DGKQ: variants seen among roughly 807,000 people sequenced by gnomAD.
DGKQ encodes diacylglycerol kinase theta.
A neutral mutation model predicts 104.2 loss-of-function variants in DGKQ; 97 were observed. That is an observed-to-expected ratio of 0.93 (90% CI 0.79 to 1.10). The LOEUF is 1.10. Among genes scored for constraint, DGKQ ranks in the 50% least tolerant of loss-of-function variants. DGKQ has a pLI of 0.00. For missense variants in DGKQ, 1,465 were observed against 1,352.1 expected, an observed-to-expected ratio of 1.08 and a Z score of -1.31; for synonymous variants, 736 against 595.2, an observed-to-expected ratio of 1.24 and a Z score of -3.44.
At position 967,782 on chromosome 4, in the gene DGKQ, C is replaced by T. The variant is rs1197768357; in HGVS notation, c.832G>A (p.Asp278Asn). 7 of 1,604,718 alleles carry T rather than the reference C, an allele frequency of 4.4e-6. No homozygotes were observed. Among genetic ancestry groups the T allele is most frequent in the Non-Finnish European group, 5.1e-6 (6 of 1,176,290 alleles). ...CCTGGACCCACGGCAGCGCTCCCGT[C>T]GGCGCCGTCGCCCCCCTCGCCTGCG... ...AEPGEGGDGADGSAAVGPGRE... is the reference protein window; with the variant it reads ...AEPGEGGDGANGSAAVGPGRE... Residue 278 changes from aspartate (D) to asparagine (N), a missense_variant, in exon 7 of 23, where the codon GAC becomes AAC. Physicochemically the swap from Asp to Asn is conservative, Grantham distance 23. Transcript: ENST00000273814.
intron 3 of DGKQ, 109 bp from the exon 4 acceptor site, chr4:968,673 G>T: frequency 7.4e-7 from 1 of 1,354,204 alleles, no homozygotes. Context: ...CATCCTTTAA[G>T]TGTCCTGTGG....
Position 968,721 on chromosome 4 carries a change from C to T in DGKQ, c.451+90G>A, listed in dbSNP as rs950996523. 48 of 1,390,184 alleles carry T rather than the reference C, an allele frequency of 3.5e-5. No homozygotes were observed. In the South Asian group the frequency reaches 4.8e-4, roughly 14 times the overall value. The allele number at this position is 1,390,184 out of a possible 1,614,324, so 86.1% of individuals were successfully genotyped here. ...CCAGCCCTTGGCCTCCCCCATCACCCCTGACAAGCTGCACAGCAGGGGTGG... is the reference window on the plus strand; with the variant it reads ...CCAGCCCTTGGCCTCCCCCATCACCTCTGACAAGCTGCACAGCAGGGGTGG... On this transcript the variant is annotated intron_variant, in intron 3 of 22. Coordinates refer to ENST00000273814, the MANE Select transcript of DGKQ (RefSeq NM_001347.4).
chr4:967,983 G>A lies in DGKQ; in HGVS notation c.708C>T (p.Phe236=), dbSNP rs1247443787. ...GCAGGACCAGGGAGCGCAGACGCCCGAAGCCACACTCGGGAGCCAGCGCCG... is the reference window on the plus strand; with the variant it reads ...GCAGGACCAGGGAGCGCAGACGCCCAAAGCCACACTCGGGAGCCAGCGCCG... The part of the protein sequence containing the change: ...CSAALAPECG[F]GRLRSLVLPP... Residue 236 remains phenylalanine, a synonymous_variant, in exon 6 of 23, where the codon TTC becomes TTT. Coordinates refer to ENST00000273814, the MANE Select transcript of DGKQ (RefSeq NM_001347.4). The A allele has an allele frequency of 2.0e-6, 3 of 1,476,670 alleles. No homozygotes were observed. The highest frequency in any genetic ancestry group is 2.1e-4 in the Middle Eastern group (1 of 4,806). 91.5% of individuals were successfully genotyped at this position (1,476,670 alleles called of 1,614,324 possible).
rs1483499302 is a variant in DGKQ at position 959,959 on chromosome 4, CCCCT to C, written c.*657_*660del. ...ACCAGGTCCAGCTGGGCACTGCCTGCCCCTGGAGCTGTACCTGAGATCCAAGCTG... is the reference window on the plus strand; with the variant it reads ...ACCAGGTCCAGCTGGGCACTGCCTGCGGAGCTGTACCTGAGATCCAAGCTG... On this transcript the variant is annotated 3_prime_UTR_variant, in exon 23 of 23. Transcript: ENST00000273814. 1 of 152,248 alleles carries C rather than the reference CCCCT, an allele frequency of 6.6e-6. No individual in the cohort carries two copies. The highest frequency in any genetic ancestry group is 1.5e-5 in the Non-Finnish European group (1 of 68,058). 9.4% of individuals were successfully genotyped at this position (152,248 alleles called of 1,614,324 possible). A position where few individuals can be genotyped will look rare whatever the true frequency, so the allele number is the denominator to read the frequency against.
Position 965,942 on chromosome 4 carries a change from G to T in DGKQ, c.1565C>A (p.Ala522Asp). The T allele has an allele frequency of 1.9e-6, 3 of 1,603,762 alleles. No homozygotes were observed. Among genetic ancestry groups the T allele is most frequent in the Non-Finnish European group, 1.7e-6 (2 of 1,175,536 alleles). The change falls in exon 13 of 23, where the codon GCC becomes GAC. Residue 522 changes from alanine to aspartate, a missense_variant. Ala to Asp is a moderately radical substitution (Grantham distance 126). Transcript: ENST00000273814. ...PEEYSSLLHEAGATKATVVSV... is the reference protein window; with the variant it reads ...PEEYSSLLHEDGATKATVVSV... ...AGTGGTCACACCTTTGGTAGCCCCGGCCTCATGCAGCAGGCTGCTGTACTC... is the reference window on the plus strand; with the variant it reads ...AGTGGTCACACCTTTGGTAGCCCCGTCCTCATGCAGCAGGCTGCTGTACTC...
At chr4:962,665 C>A (rs1223827650) in intron 17 of DGKQ, 52 bp from the exon 18 acceptor site, 1 of 1,592,116 alleles carries the variant, frequency 6.3e-7, no homozygotes, top group Non-Finnish European at 8.5e-7. Context: ...CGCCCATCAG[C>A]TGGGTGCAGA....
In DGKQ at chr4:965,975, G is replaced by A. The variant is rs1306598162; in HGVS notation, c.1532C>T (p.Ser511Phe). 11 of 1,605,374 alleles carry A rather than the reference G, an allele frequency of 6.9e-6. No individual in the cohort carries two copies. Among genetic ancestry groups the A allele is most frequent in the African/African-American group, 2.7e-5 (2 of 74,858 alleles). ...CAGCAGGCTGCTGTACTCCTCGGGA[G>A]ACAGGCCGGGAGGCAGGCCGCCAAC... ...LFVGGLPPGL[S>F]PEEYSSLLHE... The change falls in exon 13 of 23, where the codon TCT becomes TTT. Residue 511 changes from serine to phenylalanine, a missense_variant. Ser to Phe is a radical substitution (Grantham distance 155). Coordinates refer to ENST00000273814, the MANE Select transcript of DGKQ (RefSeq NM_001347.4).
chr4:962,230 C>T, intron 18 of DGKQ, 148 bp from the exon 19 acceptor site: 2 of 885,646 alleles, frequency 2.3e-6, no homozygotes, highest in Admixed American at 2.4e-5. Context: ...ATGGGCAGGT[C>T]CTGGCCAGGC....
chr4:962,808 G>A lies in DGKQ; in HGVS notation c.1999C>T (p.Pro667Ser). Reference protein sequence around the residue: ...LEETRYRLACPEPSVAILPLG... With the variant: ...LEETRYRLACSEPSVAILPLG... ...GGCAGGATGGCCACAGAAGGCTCCGGGCAGGCCAGTCGGTACCGTGTCTCC... is the reference window on the plus strand; with the variant it reads ...GGCAGGATGGCCACAGAAGGCTCCGAGCAGGCCAGTCGGTACCGTGTCTCC... The change falls in exon 17 of 23, where the codon CCG becomes TCG. Residue 667 changes from proline to serine, a missense_variant. Pro to Ser is a moderately conservative substitution (Grantham distance 74). Transcript: ENST00000273814. 1 of 1,606,340 alleles carries A rather than the reference G, an allele frequency of 6.2e-7. No homozygotes were observed. Among genetic ancestry groups the A allele is most frequent in the Non-Finnish European group, 8.5e-7 (1 of 1,177,406 alleles).
chr4:965,461 C>T (rs1285217956), intron 14 of DGKQ, 30 bp downstream of exon 14: 7 of 1,606,886 alleles, frequency 4.4e-6, no homozygotes, highest in Admixed American at 1.7e-5. Context: ...CCCTGGGCCT[C>T]ATGTGACCAC....
intron 15 of DGKQ, among the ~76,000 whole-genome samples, chr4:964,848 C>T (rs903784644): frequency 1.3e-5 from 2 of 152,200 alleles, no homozygotes; most frequent in Admixed American, 6.5e-5. Context: ...GTCCTGTGGG[C>T]CTCCCTACTG....
chr4:971,673 C>T lies in DGKQ; in HGVS notation c.272-601G>A, dbSNP rs1483782025. 6.6e-6 allele frequency among the ~76,000 whole-genome samples: 1 copy of T among 152,034 alleles called. No homozygotes were observed. Among genetic ancestry groups the T allele is most frequent in the Non-Finnish European group, 1.5e-5 (1 of 67,976 alleles). On this transcript the variant is annotated intron_variant, in intron 1 of 22. Coordinates refer to ENST00000273814, the MANE Select transcript of DGKQ (RefSeq NM_001347.4). The surrounding 1 kb of genome is among the most constrained non-coding windows in gnomAD (Gnocchi z 4.0). ...TGAGCCGGCGGGGTGCTCAGGAGGG[C>T]ATAAGAGGAGCAAGCGCCACACCCC...
At chr4:968,117 C>T in intron 5 of DGKQ, 90 bp from the exon 6 acceptor site, 2 of 1,028,358 alleles carry the variant, frequency 1.9e-6, no homozygotes, top group Non-Finnish European at 1.3e-6. Context: ...CCACACGACG[C>T]AGACCCACCT....
At position 960,319 on chromosome 4, in the gene DGKQ, C is replaced by T; in HGVS notation, c.*301G>A. 2.1e-6 allele frequency: 1 copy of T among 474,494 alleles called. No individual in the cohort carries two copies. The highest frequency in any genetic ancestry group is 2.9e-5 in the South Asian group (1 of 34,962). 29.4% of individuals were successfully genotyped at this position (474,494 alleles called of 1,614,324 possible). ...TGGGTGCCCACCCCTGAGGAGAGGA[C>T]CAGGCCCCCACAGGGCAGAGGGCTC... On this transcript the variant is annotated 3_prime_UTR_variant, in exon 23 of 23. Transcript: ENST00000273814.
At position 966,731 on chromosome 4, in the gene DGKQ, A is replaced by G. The variant is rs1485381216; in HGVS notation, c.1366+17T>C. ...AGGTGCAGGGACCGCCACGCCCAGC[A>G]CGGGCTGTCTACTCACCGTGCCTGC... is the stretch of plus-strand genomic sequence containing the variant. On this transcript the variant is annotated intron_variant, in intron 11 of 22. Coordinates refer to ENST00000273814, the MANE Select transcript of DGKQ (RefSeq NM_001347.4). 1.2e-6 allele frequency: 2 copies of G among 1,603,370 alleles called. No homozygotes were observed. Among genetic ancestry groups the G allele is most frequent in the East Asian group, 2.3e-5 (1 of 44,400 alleles).
chr4:963,914 G>A (rs1712085276), intron 15 of DGKQ, among the ~76,000 whole-genome samples: 1 of 152,238 alleles, frequency 6.6e-6, no homozygotes, highest in Admixed American at 6.5e-5. Flanking sequence ...GGAGGCTGGG[G>A]CCCCCACAGC....
At chr4:965,098 C>A in intron 15 of DGKQ, 78 bp downstream of exon 15, 1 of 1,091,210 alleles carries the variant, frequency 9.2e-7, no homozygotes, top group Admixed American at 1.8e-5. Flanking sequence ...GGCTGTGGGG[C>A]CTGTGCACCT....
At chr4:962,344 G>A (rs944701786) in intron 18 of DGKQ, 91 bp downstream of exon 18, 17 of 1,315,596 alleles carry the variant, frequency 1.3e-5, no homozygotes, top group Non-Finnish European at 1.6e-5. Context: ...GTACACCCGA[G>A]TGTGGCTGGG....
intron 12 of DGKQ, 90 bp downstream of exon 12, chr4:966,376 C>T: frequency 7.0e-6 from 10 of 1,418,784 alleles, no homozygotes; most frequent in East Asian, 2.3e-5. Flanking sequence ...CCAAGGAGAA[C>T]TCGGCGTCTG....
Sources: gnomAD v4.1 joint callset for allele counts (sites outside exome capture counted in the v4.1 genomes callset) on GRCh38, gnomAD v4.1.1 for gene constraint, Gnocchi (gnomAD v3.1) non-coding constraint, MANE v1.5 for transcripts, NCBI Gene and HGNC (gene_info 2026-07-23, HGNC 2026-07-21) for gene names.